Variants in EPB41 observed in about 807,000 individuals in gnomAD.
The protein encoded by EPB41 is protein 4.1.
EPB41 carries 65 observed loss-of-function variants against 108.0 expected under a neutral mutation model. The observed-to-expected ratio is 0.60, with a 90% CI of 0.49 to 0.74. The LOEUF is 0.74. Among genes scored for constraint, EPB41 ranks in the 30% least tolerant of loss-of-function variants. The probability of loss-of-function intolerance (pLI) is 0.00; values close to 1 mark genes in which losing one functional copy is unlikely to be tolerated. For synonymous variants in EPB41, 336 were observed against 358.9 expected, an observed-to-expected ratio of 0.94 and a Z score of 0.72; for missense variants, 875 against 1,037.0, an observed-to-expected ratio of 0.84 and a Z score of 2.15.
intron 16 of EPB41, among the ~76,000 whole-genome samples, chr1:29,090,362 C>T (rs1239136849): frequency 2.6e-5 from 4 of 152,018 alleles, no homozygotes; most frequent in East Asian, 1.9e-4. Context: ...TGGGGGTTAG[C>T]GGATAAATGT....
intron 1 of EPB41, among the ~76,000 whole-genome samples, chr1:28,986,097 T>C (rs2095864390): frequency 6.6e-6 from 1 of 150,962 alleles, no homozygotes; most frequent in Non-Finnish European, 1.5e-5. Context: ...TTTTTGTTCT[T>C]GCGATAGTTT....
At chr1:28,942,634 CT>C (rs894011220) in intron 1 of EPB41, among the ~76,000 whole-genome samples, 7 of 152,192 alleles carry the variant, frequency 4.6e-5, no homozygotes, top group Non-Finnish European at 7.3e-5. Flanking sequence ...TGAACCAGTC[CT>C]TTTGATTTTT....
At chr1:28,908,434 A>C (rs1045669879) in intron 1 of EPB41, among the ~76,000 whole-genome samples, 10 of 149,162 alleles carry the variant, frequency 6.7e-5, no homozygotes, top group African/African-American at 2.5e-4. Context: ...TATTATTATT[A>C]TTATTATTTT....
intron 1 of EPB41, among the ~76,000 whole-genome samples, chr1:28,950,844 T>G (rs2094691984): frequency 6.6e-6 from 1 of 152,138 alleles, no homozygotes; most frequent in South Asian, 2.1e-4. Flanking sequence ...TTCTGTACTT[T>G]TTTTTTTTGA....
In EPB41 at chr1:28,890,328, G is replaced by A. The variant is rs549201753; in HGVS notation, c.-8+3118G>A. ...GCTGGGATTACAGGCGTGAGCCACC[G>A]TGCCTGGCTGATTCTGATATTTATT... is the stretch of plus-strand genomic sequence containing the variant. On this transcript the variant is annotated intron_variant, in intron 1 of 16. Transcript: ENST00000347529. 2.2e-3 allele frequency among the ~76,000 whole-genome samples: 337 copies of A among 152,174 alleles called. 1 individual carries two copies. Among genetic ancestry groups the A allele is most frequent in the African/African-American group, 7.4e-3 (308 of 41,522 alleles).
intron 16 of EPB41, among the ~76,000 whole-genome samples, chr1:29,075,268 A>G (rs1270088973): frequency 6.6e-6 from 1 of 152,086 alleles, no homozygotes; most frequent in African/African-American, 2.4e-5. Context: ...TCCTGAGGTC[A>G]GGAGTTCAAG....
intron 7 of EPB41, among the ~76,000 whole-genome samples, chr1:29,027,265 G>T (rs980191212): frequency 6.6e-6 from 1 of 151,984 alleles, no homozygotes; most frequent in Non-Finnish European, 1.5e-5. Flanking sequence ...CTCCCAAGTA[G>T]CTGTGACTAC....
chr1:28,936,421 A>G (rs1288267980), intron 1 of EPB41, among the ~76,000 whole-genome samples: 2 of 152,136 alleles, frequency 1.3e-5, no homozygotes, highest in Non-Finnish European at 1.5e-5. Flanking sequence ...AAATTGAGAT[A>G]TAATTTACAT....
intron 16 of EPB41, among the ~76,000 whole-genome samples, chr1:29,074,332 G>T (rs533567257): frequency 2.0e-5 from 3 of 152,140 alleles, no homozygotes; most frequent in South Asian, 4.1e-4. Context: ...ATTATACATA[G>T]AAACTTCACT....
chr1:29,079,870 G>C (rs1163862435), intron 16 of EPB41, among the ~76,000 whole-genome samples: 1 of 151,822 alleles, frequency 6.6e-6, no homozygotes, highest in Non-Finnish European at 1.5e-5. Flanking sequence ...GATTGCGCGG[G>C]CCTGTAGTTC....
chr1:29,041,770 T>C (rs2150486242), intron 11 of EPB41, among the ~76,000 whole-genome samples: 1 of 152,306 alleles, frequency 6.6e-6, no homozygotes, highest in South Asian at 2.1e-4. Flanking sequence ...CAGACCTGAT[T>C]CCAATATCAA....
At chr1:29,021,921 T>G (rs1184924872) in intron 7 of EPB41, among the ~76,000 whole-genome samples, 2 of 152,082 alleles carry the variant, frequency 1.3e-5, no homozygotes, top group Non-Finnish European at 2.9e-5. Context: ...CTTGAAAAAA[T>G]GACAAACTAT....
chr1:28,980,985 C>G (rs1262870078), intron 1 of EPB41, among the ~76,000 whole-genome samples: 1 of 152,062 alleles, frequency 6.6e-6, no homozygotes, highest in African/African-American at 2.4e-5. Flanking sequence ...TTTGGCCAGG[C>G]TGGCCTCGAA....
intron 17 of EPB41, among the ~76,000 whole-genome samples, chr1:29,104,577 G>A (rs1414068805): frequency 6.6e-6 from 1 of 151,708 alleles, no homozygotes; most frequent in Non-Finnish European, 1.5e-5. Context: ...CACTACATGT[G>A]ACTTTTTAAT....
rs924800068 is a variant in EPB41, at chr1:28,904,212, G to A, written c.-8+17002G>A. 1.5e-4 allele frequency among the ~76,000 whole-genome samples: 22 copies of A among 145,506 alleles called. 1 individual carries two copies. The South Asian group carries it at 2.4e-3, about 16-fold the overall frequency. ...TAAACTTTTTCTTGCCATCACTCAA[G>A]TATGGGATCATAATGATGGCTGTTA... On this transcript the variant is annotated intron_variant, in intron 1 of 16. Coordinates refer to the EPB41 transcript ENST00000347529.
intron 17 of EPB41, among the ~76,000 whole-genome samples, chr1:29,100,963 G>A (rs1665142974): frequency 6.6e-6 from 1 of 150,602 alleles, no homozygotes; most frequent in East Asian, 1.9e-4. Flanking sequence ...AGTGGCTCAC[G>A]CCTGTAAACC....
chr1:28,899,948 C>T (rs951576911), intron 1 of EPB41, among the ~76,000 whole-genome samples: 4 of 152,144 alleles, frequency 2.6e-5, no homozygotes, highest in Non-Finnish European at 5.9e-5. Flanking sequence ...CAGTTTTTTC[C>T]CCTATAACGT....
Position 29,115,872 on chromosome 1 carries a change from C to T in EPB41, c.*6+69C>T. ...GCCTGAGAGGGCTCTGGATGGGACC[C>T]TCGGACACACTGGGAGCCCATCCCC... On this transcript the variant is annotated intron_variant, in intron 20 of 20. Transcript: ENST00000343067. This position sits in a 1 kb window ranked among gnomAD's most constrained non-coding sequence, Gnocchi z 4.4. The T allele has an allele frequency of 8.3e-7, 1 of 1,209,022 alleles. No homozygotes were observed. The allele number at this position is 1,209,022 out of a possible 1,614,324, so 74.9% of individuals were successfully genotyped here. A position where few individuals can be genotyped will look rare whatever the true frequency, so the allele number is the denominator to read the frequency against.
chr1:29,048,885 T>C (rs540482088), intron 11 of EPB41, among the ~76,000 whole-genome samples: 89 of 152,308 alleles, frequency 5.8e-4, no homozygotes, highest in African/African-American at 1.9e-3. Context: ...TGTACTATAG[T>C]ATAAAAAGTG....
Sources: allele counts gnomAD v4.1 joint callset (sites outside exome capture counted in the v4.1 genomes callset), GRCh38; gene constraint gnomAD v4.1.1; non-coding constraint Gnocchi (gnomAD v3.1); transcripts MANE v1.5; gene names NCBI Gene and HGNC (gene_info 2026-07-23, HGNC 2026-07-21).